BMP6: variants seen among roughly 807,000 people sequenced by gnomAD.
BMP6 encodes the protein VG-1-R.
BMP6 carries 17 observed loss-of-function variants against 54.1 expected under a neutral mutation model. The observed-to-expected ratio is 0.31, with a 90% confidence interval of 0.22 to 0.47. BMP6 has a LOEUF of 0.47. Ranked by LOEUF, BMP6 falls within the 20% of genes least tolerant of loss-of-function variation. BMP6 has a pLI of 1.00. For missense variants in BMP6, 720 were observed against 690.4 expected, an observed-to-expected ratio of 1.04 and a Z score of -0.48; for synonymous variants, 328 against 291.2, an observed-to-expected ratio of 1.13 and a Z score of -1.28.
chr6:7,785,810 C>G (rs1234767140), intron 1 of BMP6, among the ~76,000 whole-genome samples: 1 of 152,184 alleles, frequency 6.6e-6, no homozygotes, highest in Non-Finnish European at 1.5e-5. Flanking sequence ...AGAAATATGT[C>G]CTTCCAAGGA....
intron 1 of BMP6, among the ~76,000 whole-genome samples, chr6:7,841,793 A>G (rs1220923495): frequency 6.6e-6 from 1 of 152,246 alleles, no homozygotes; most frequent in Non-Finnish European, 1.5e-5. Context: ...AGGAAAAGAA[A>G]GTTCAGAGTA....
At position 7,859,786 on chromosome 6, in the gene BMP6, C is replaced by A. The variant is rs1478610476; in HGVS notation, c.858-1665C>A. On this transcript the variant is annotated intron_variant, in intron 2 of 6. Transcript: ENST00000283147. ...CAGAGAGAGCTTTCAACTGGGCAGG[C>A]CAGAATGTGGCCTCCCGCAGACTCT... Among the ~76,000 whole-genome samples, 6 of 152,238 alleles carry A rather than the reference C, an allele frequency of 3.9e-5. No homozygotes were observed. In the East Asian group the frequency reaches 1.2e-3, roughly 29 times the overall value.
intron 4 of BMP6, among the ~76,000 whole-genome samples, chr6:7,876,718 T>C (rs751452647): frequency 3.3e-5 from 5 of 152,234 alleles, no homozygotes; most frequent in Non-Finnish European, 7.3e-5. Context: ...TCTTTAGTTA[T>C]ATCTAATCTG....
chr6:7,779,884 T>C (rs1052714229), intron 1 of BMP6, among the ~76,000 whole-genome samples: 6 of 152,124 alleles, frequency 3.9e-5, no homozygotes, highest in African/African-American at 1.4e-4. Flanking sequence ...TGGTACCTCC[T>C]TGGGGCTTGC....
intron 2 of BMP6, among the ~76,000 whole-genome samples, chr6:7,861,137 C>A (rs569884293): frequency 6.6e-6 from 1 of 151,758 alleles, no homozygotes; most frequent in Admixed American, 6.6e-5. Flanking sequence ...TGTAATTTAT[C>A]CTAATTCGCA....
At chr6:7,842,116 G>C (rs551726934) in intron 1 of BMP6, among the ~76,000 whole-genome samples, 1 of 151,696 alleles carries the variant, frequency 6.6e-6, no homozygotes, top group South Asian at 2.1e-4. Context: ...CCTTTCCCTT[G>C]TTGTGTTAGT....
chr6:7,871,452 T>TG (rs898834613), intron 4 of BMP6, among the ~76,000 whole-genome samples: 10 of 152,118 alleles, frequency 6.6e-5, no homozygotes, highest in Admixed American at 2.0e-4. Flanking sequence ...GAATTCGTCC[T>TG]GGGGGGGCTT....
At chr6:7,863,278 A>G (rs1225964) in intron 4 of BMP6, among the ~76,000 whole-genome samples, 80,723 of 152,042 alleles carry the variant, frequency 0.53, 24,067 homozygotes, top group African/African-American at 0.79. Flanking sequence ...GATTACAGGC[A>G]TGAGCCACTG....
intron 1 of BMP6, among the ~76,000 whole-genome samples, chr6:7,839,830 G>A (rs1187444552): frequency 6.6e-6 from 1 of 152,220 alleles, no homozygotes; most frequent in Non-Finnish European, 1.5e-5. Context: ...TATCCAGAAA[G>A]ATAATTGCTG....
At chr6:7,758,249 C>T (rs961822594) in intron 1 of BMP6, among the ~76,000 whole-genome samples, 3 of 152,232 alleles carry the variant, frequency 2.0e-5, no homozygotes, top group Non-Finnish European at 4.4e-5. Context: ...TGAATTCGTA[C>T]TGAGAATGTG....
intron 1 of BMP6, among the ~76,000 whole-genome samples, chr6:7,776,903 A>C (rs1020561682): frequency 1.3e-5 from 2 of 152,228 alleles, no homozygotes; most frequent in Non-Finnish European, 2.9e-5. Flanking sequence ...ATAAAAGAAG[A>C]CATATAGTAG....
rs781192951 is a variant in BMP6, at chr6:7,880,186, T to C, written c.1393-8T>C. ...TAAGGTACCTTCTCCCCTTCTGTTT[T>C]GGAACAGGTTCACCTTATGAACCCC... On this transcript the variant is annotated splice_polypyrimidine_tract_variant and splice_region_variant and intron_variant, in intron 6 of 6. Coordinates refer to ENST00000283147, the MANE Select transcript of BMP6 (RefSeq NM_001718.6). 3.7e-6 allele frequency: 6 copies of C among 1,614,180 alleles called. No individual in the cohort carries two copies. Among genetic ancestry groups the C allele is most frequent in the Admixed American group, 3.3e-5 (2 of 60,022 alleles).
chr6:7,762,853 A>G (rs964537567), intron 1 of BMP6, among the ~76,000 whole-genome samples: 2 of 152,178 alleles, frequency 1.3e-5, no homozygotes, highest in African/African-American at 4.8e-5. Flanking sequence ...AGGGGATCTT[A>G]ATAGTTGGCT....
chr6:7,857,277 A>G (rs1759256716), intron 2 of BMP6, among the ~76,000 whole-genome samples: 1 of 152,232 alleles, frequency 6.6e-6, no homozygotes, highest in South Asian at 2.1e-4. Flanking sequence ...CTAGCATATT[A>G]ATTTGTTAAG....
At chr6:7,806,724 A>G (rs114387810) in intron 1 of BMP6, among the ~76,000 whole-genome samples, 1 of 152,154 alleles carries the variant, frequency 6.6e-6, no homozygotes, top group Non-Finnish European at 1.5e-5. Flanking sequence ...ATAATTTTAA[A>G]TATTTTATAC....
At chr6:7,747,242 A>T (rs933275658) in intron 1 of BMP6, among the ~76,000 whole-genome samples, 8 of 152,242 alleles carry the variant, frequency 5.3e-5, no homozygotes, top group Non-Finnish European at 4.4e-5. Context: ...ATCTGTGAAT[A>T]TGCCACCTTA....
At chr6:7,730,106 T>C (rs1424853436) in intron 1 of BMP6, among the ~76,000 whole-genome samples, 1 of 152,220 alleles carries the variant, frequency 6.6e-6, no homozygotes, top group Non-Finnish European at 1.5e-5. Context: ...GGCGAATTTG[T>C]AAAGTATAGT....
chr6:7,772,669 A>C (rs1302134478), intron 1 of BMP6, among the ~76,000 whole-genome samples: 2 of 152,180 alleles, frequency 1.3e-5, no homozygotes. Context: ...ACCAGGATGC[A>C]AGAATCAATG....
intron 1 of BMP6, among the ~76,000 whole-genome samples, chr6:7,830,985 CACAT>C (rs1228627969): frequency 6.6e-6 from 1 of 152,166 alleles, no homozygotes; most frequent in Non-Finnish European, 1.5e-5. Flanking sequence ...AACACGTACT[CACAT>C]ACAAGTACAT....
Sources: allele counts gnomAD v4.1 joint callset (sites outside exome capture counted in the v4.1 genomes callset), GRCh38; gene constraint gnomAD v4.1.1; transcripts MANE v1.5; gene names NCBI Gene and HGNC (gene_info 2026-07-23, HGNC 2026-07-21).